The following FAM153A variants were observed in gnomAD, a reference collection of about 807,000 sequenced individuals.
The protein encoded by FAM153A is family with sequence similarity 153 member A, also known as protein FAM153A.
In FAM153A, 12 loss-of-function variants were observed where a neutral mutation model predicts 48.1. That is an observed-to-expected ratio of 0.25 (90% CI 0.16 to 0.40). The LOEUF (loss-of-function observed/expected upper bound fraction) is 0.40, where lower values mean the gene tolerates loss of function less well. Ranked by LOEUF, FAM153A falls within the 10% of genes least tolerant of loss-of-function variation. The pLI is 1.00. For synonymous variants in FAM153A, 36 were observed against 118.2 expected, an observed-to-expected ratio of 0.30 and a Z score of 4.51; for missense variants, 111 against 345.8, an observed-to-expected ratio of 0.32 and a Z score of 5.38.
chr5:177,712,366 G>A (rs993163035), exon 27 of FAM153A: 1 of 151,966 alleles, frequency 6.6e-6, no homozygotes, highest in African/African-American at 2.4e-5. Context: ...CAGCTACTTG[G>A]GAGGCTGAGG....
chr5:177,754,131 C>T (rs1249935209), upstream of FAM153A, among the ~76,000 whole-genome samples: 3 of 151,754 alleles, frequency 2.0e-5, no homozygotes, highest in Non-Finnish European at 2.9e-5. Context: ...TCAGGTCACT[C>T]CCACCCTAAT....
the FAM153A span, among the ~76,000 whole-genome samples, chr5:177,695,711 CCT>C: frequency 6.6e-6 from 1 of 151,572 alleles, no homozygotes; most frequent in Non-Finnish European, 1.5e-5. Context: ...CACATTTCCC[CCT>C]TTCTTTTAGA....
At chr5:177,713,499 C>T (rs1211933532) in intron 26 of FAM153A, among the ~76,000 whole-genome samples, 2 of 151,388 alleles carry the variant, frequency 1.3e-5, no homozygotes, top group African/African-American at 2.4e-5. Flanking sequence ...CCTCGTGATC[C>T]GCCCACCTCA....
downstream of FAM153A, among the ~76,000 whole-genome samples, chr5:177,708,779 T>G (rs376978201): frequency 2.0e-5 from 3 of 151,638 alleles, no homozygotes; most frequent in African/African-American, 7.3e-5. Flanking sequence ...GGTTGCATGA[T>G]TCCTTTGTCT....
chr5:177,738,924 G>A (rs1172114160), intron 10 of FAM153A, among the ~76,000 whole-genome samples, 189 bp downstream of exon 12: 4 of 150,220 alleles, frequency 2.7e-5, no homozygotes, highest in Non-Finnish European at 4.4e-5. Flanking sequence ...AGAATGACAC[G>A]GCAGCTAACA....
downstream of FAM153A, among the ~76,000 whole-genome samples, chr5:177,709,422 C>T (rs1582114479): frequency 6.9e-6 from 1 of 144,240 alleles, no homozygotes; most frequent in East Asian, 2.1e-4. Context: ...AGTGCAATGG[C>T]GCGATCTCGG....
the FAM153A span, among the ~76,000 whole-genome samples, chr5:177,695,484 G>A: frequency 6.6e-6 from 1 of 152,138 alleles, no homozygotes; most frequent in Non-Finnish European, 1.5e-5. Context: ...CTGCCTTCAG[G>A]CATCTGTTTA....
At chr5:177,708,287 T>TCTTAAAAGTGC (rs1554133023), downstream of FAM153A, among the ~76,000 whole-genome samples, 1 of 95,728 alleles carries the variant, frequency 1.0e-5, no homozygotes, top group African/African-American at 4.3e-5. Flanking sequence ...GGTGCTCTCT[T>TCTTAAAAGTGC]TTTCATGGGC....
At chr5:177,699,557 G>T in the FAM153A span, among the ~76,000 whole-genome samples, 2 of 152,234 alleles carry the variant, frequency 1.3e-5, no homozygotes, top group South Asian at 2.1e-4. Context: ...AAAATAAAAA[G>T]AATTATAAGG....
At chr5:177,728,256 A>G (rs1457986194) in intron 18 of FAM153A, among the ~76,000 whole-genome samples, 1 of 125,340 alleles carries the variant, frequency 8.0e-6, no homozygotes, top group Non-Finnish European at 1.7e-5. Flanking sequence ...AGGACTGGGT[A>G]TATTAAACTT....
the FAM153A span, among the ~76,000 whole-genome samples, chr5:177,700,258 G>C: frequency 6.6e-6 from 1 of 151,864 alleles, no homozygotes; most frequent in Non-Finnish European, 1.5e-5. Flanking sequence ...AAAAGATTGA[G>C]AGCTTTCTCC....
chr5:177,741,340 A>T lies in FAM153A; in HGVS notation c.365-8T>A, dbSNP rs200056696. The T allele has an allele frequency of 0.011, 6,346 of 591,368 alleles. 1,265 individuals are homozygous for T. Among genetic ancestry groups the T allele is most frequent in the Non-Finnish European group, 0.013 (5,106 of 407,660 alleles). The allele number at this position is 591,368 out of a possible 1,614,324, so 36.6% of individuals were successfully genotyped here. On this transcript the variant is annotated splice_polypyrimidine_tract_variant and splice_region_variant and intron_variant, in intron 6 of 20. Coordinates refer to ENST00000614127, the Ensembl canonical transcript of FAM153A. ...AGGAGCCTTCGTCACGCTCTAGGAA[A>T]CACAGAGTAATTGTCAGCACGTTGG...
At chr5:177,756,476 C>T (rs1264473308), upstream of FAM153A, among the ~76,000 whole-genome samples, 10 of 140,420 alleles carry the variant, frequency 7.1e-5, no homozygotes, top group East Asian at 1.6e-3. Context: ...CAGCTCTGCA[C>T]CAAGCAGACC....
chr5:177,759,273 A>T (rs28892870), intron 1 of FAM153A, among the ~76,000 whole-genome samples: 1 of 151,736 alleles, frequency 6.6e-6, no homozygotes, highest in Non-Finnish European at 1.5e-5. Context: ...ATGACATACC[A>T]TCTCACACCA....
rs1432796339 is a variant in FAM153A at position 177,730,487 on chromosome 5, C to T, written c.863-932G>A. ...TGACCTCAACACTGTAGTCCAAAAG[C>T]CTGAGGACTCTGTGTGTTTGACATT... is the stretch of plus-strand genomic sequence containing the variant. On this transcript the variant is annotated intron_variant, in intron 16 of 20. Transcript: ENST00000614127. Among the ~76,000 whole-genome samples, 4 of 120,132 alleles carry T rather than the reference C, an allele frequency of 3.3e-5. 1 individual carries two copies. The highest frequency in any genetic ancestry group is 1.1e-4 in the African/African-American group (4 of 36,318). The allele number at this position is 120,132 out of a possible 152,430, so 78.8% of individuals were successfully genotyped here.
exon 27 of FAM153A, chr5:177,712,996 CTG>C (rs1325216110): frequency 1.2e-4 from 18 of 151,942 alleles, no homozygotes; most frequent in Admixed American, 5.9e-4. Context: ...ATCTTTGACA[CTG>C]TGCTCTACCA....
intron 1 of FAM153A, among the ~76,000 whole-genome samples, chr5:177,759,798 A>G (rs1768125586): frequency 6.7e-6 from 1 of 149,862 alleles, no homozygotes; most frequent in Non-Finnish European, 1.5e-5. Context: ...GGAGCATCAC[A>G]CACCGGGGCC....
chr5:177,725,826 C>T (rs1260709178), intron 18 of FAM153A, among the ~76,000 whole-genome samples: 1 of 151,970 alleles, frequency 6.6e-6, no homozygotes, highest in African/African-American at 2.4e-5. Flanking sequence ...AGCCCCTCCA[C>T]ACATATCCCT....
upstream of FAM153A, among the ~76,000 whole-genome samples, chr5:177,755,317 A>G (rs995045267): frequency 6.6e-6 from 1 of 151,968 alleles, no homozygotes; most frequent in Non-Finnish European, 1.5e-5. Context: ...CAAAGCCTCC[A>G]AGAAATATGG....
Sources: gnomAD v4.1 joint callset for allele counts (sites outside exome capture counted in the v4.1 genomes callset) on GRCh38, gnomAD v4.1.1 for gene constraint, MANE v1.5 for transcripts, NCBI Gene and HGNC (gene_info 2026-07-23, HGNC 2026-07-21) for gene names.